USH2A: variants seen among roughly 807,000 people sequenced by gnomAD.
USH2A encodes the protein usherin, also known as Usher syndrome 2A (autosomal recessive, mild).
In USH2A, 443 loss-of-function variants were observed where a neutral mutation model predicts 538.9. The ratio of observed to expected loss-of-function variants is 0.82; its 90% CI spans 0.76 to 0.89. The LOEUF (loss-of-function observed/expected upper bound fraction) is 0.89. Ranked by LOEUF, USH2A falls within the 40% of genes least tolerant of loss-of-function variation. USH2A has a pLI of 0.00. For missense variants in USH2A, 6,633 were observed against 6,324.8 expected (o/e 1.05, Z -1.65); for synonymous variants, 2,413 against 2,273.5 (o/e 1.06, Z -1.75).
At chr1:215,796,361 C>T (rs1035382013) in intron 50 of USH2A, among the ~76,000 whole-genome samples, 3 of 152,008 alleles carry the variant, frequency 2.0e-5, no homozygotes, top group Non-Finnish European at 2.9e-5. Context: ...GTCTCTGTCA[C>T]ATTTTGATGA....
At chr1:215,698,946 T>A (rs1202334655) in intron 61 of USH2A, among the ~76,000 whole-genome samples, 1 of 152,246 alleles carries the variant, frequency 6.6e-6, no homozygotes, top group Non-Finnish European at 1.5e-5. Context: ...CTAGGGTTTT[T>A]ATGGTTTTAG....
chr1:215,945,885 G>A (rs1301146302), intron 37 of USH2A, among the ~76,000 whole-genome samples: 1 of 151,980 alleles, frequency 6.6e-6, no homozygotes, highest in Non-Finnish European at 1.5e-5. Context: ...ATAAAAATGT[G>A]GAATAAAACT....
intron 19 of USH2A, among the ~76,000 whole-genome samples, chr1:216,191,574 C>T (rs906431848): frequency 2.3e-4 from 35 of 151,816 alleles, no homozygotes; most frequent in African/African-American, 6.5e-4. Flanking sequence ...ACATCAAATA[C>T]CAAGTAATTC....
chr1:216,412,682 A>G (rs1214694769), intron 3 of USH2A, among the ~76,000 whole-genome samples: 1 of 151,384 alleles, frequency 6.6e-6, no homozygotes, highest in Non-Finnish European at 1.5e-5. Context: ...TTATAAATAT[A>G]TGTTTTCAGT....
chr1:215,664,915 C>T (rs1020664602), intron 64 of USH2A, among the ~76,000 whole-genome samples: 1 of 152,202 alleles, frequency 6.6e-6, no homozygotes, highest in African/African-American at 2.4e-5. Flanking sequence ...TATTTAAAGC[C>T]ACCCAGTCTA....
intron 11 of USH2A, among the ~76,000 whole-genome samples, chr1:216,251,473 T>A (rs1194595738): frequency 3.7e-5 from 4 of 107,906 alleles, no homozygotes; most frequent in African/African-American, 1.3e-4. Context: ...TTTTTTGAGA[T>A]GGAGTCTCGC....
chr1:216,102,569 G>A (rs1028360597), intron 21 of USH2A, among the ~76,000 whole-genome samples: 1 of 152,096 alleles, frequency 6.6e-6, no homozygotes, highest in Non-Finnish European at 1.5e-5. Flanking sequence ...GGAGGCCGAG[G>A]CAGGCGGATC....
intron 61 of USH2A, among the ~76,000 whole-genome samples, chr1:215,690,481 G>A (rs1457720688): frequency 6.6e-6 from 1 of 152,150 alleles, no homozygotes; most frequent in African/African-American, 2.4e-5. Context: ...CAGCTATTTG[G>A]AAGGCTAAGG....
Position 215,766,796 on chromosome 1 carries a change from A to T in USH2A, c.10940-8T>A, listed in dbSNP as rs1194214740. 1 of 1,611,120 alleles carries T rather than the reference A, an allele frequency of 6.2e-7. No homozygotes were observed. On this transcript the variant is annotated splice_polypyrimidine_tract_variant and splice_region_variant and intron_variant, in intron 55 of 71. Coordinates refer to ENST00000307340, the MANE Select transcript of USH2A (RefSeq NM_206933.4). ...TGGTGTATGGCTGGAGACCTAGAAA[A>T]AGCAAGCAAGAAATAAAGTGCACCT...
At chr1:216,400,959 CAA>C (rs2039293629) in intron 3 of USH2A, among the ~76,000 whole-genome samples, 1 of 151,776 alleles carries the variant, frequency 6.6e-6, no homozygotes, top group South Asian at 2.1e-4. Context: ...TAAATAGAAA[CAA>C]AATGATAATA....
intron 9 of USH2A, among the ~76,000 whole-genome samples, chr1:216,305,406 T>C (rs776931541): frequency 6.6e-6 from 1 of 152,168 alleles, no homozygotes; most frequent in Non-Finnish European, 1.5e-5. Flanking sequence ...TGAGTCCTTA[T>C]GTGTTAGATG....
chr1:216,316,363 A>G (rs1240625545), intron 9 of USH2A, among the ~76,000 whole-genome samples: 3 of 152,182 alleles, frequency 2.0e-5, no homozygotes, highest in Non-Finnish European at 4.4e-5. Flanking sequence ...GTCTTTCTCT[A>G]CTCAGAATAA....
intron 38 of USH2A, among the ~76,000 whole-genome samples, chr1:215,924,980 T>G (rs1223650656): frequency 6.6e-6 from 1 of 151,974 alleles, no homozygotes; most frequent in Non-Finnish European, 1.5e-5. Flanking sequence ...AGCTCAGAAG[T>G]TAGTCTTTTT....
intron 61 of USH2A, among the ~76,000 whole-genome samples, chr1:215,687,995 G>C (rs1488606621): frequency 1.3e-5 from 2 of 152,098 alleles, no homozygotes; most frequent in Admixed American, 1.3e-4. Context: ...GACATAGAGA[G>C]AGAATTGGAA....
Position 215,639,245 on chromosome 1 carries a change from A to G in USH2A, c.14969-7T>C. 1 of 1,614,134 alleles carries G rather than the reference A, an allele frequency of 6.2e-7. No individual in the cohort carries two copies. Among genetic ancestry groups the G allele is most frequent in the Non-Finnish European group, 8.5e-7 (1 of 1,179,986 alleles). Reference sequence around the variant, plus strand: ...ATGACCTGGAAAAAGAAGGCTAGACAAAAGGAAGAACTGGTAAATGACTTG... The same window carrying G: ...ATGACCTGGAAAAAGAAGGCTAGACGAAAGGAAGAACTGGTAAATGACTTG... On this transcript the variant is annotated splice_polypyrimidine_tract_variant and splice_region_variant and intron_variant, in intron 68 of 71. Transcript: ENST00000307340.
At chr1:215,680,454 A>T in intron 61 of USH2A, 78 bp from the exon 62 acceptor site, 1 of 1,435,590 alleles carries the variant, frequency 7.0e-7, no homozygotes, top group Admixed American at 1.7e-5. Flanking sequence ...CATTCTCTGA[A>T]CCTCATGGCC....
chr1:215,882,523 AAG>A (rs1168054177), intron 41 of USH2A, among the ~76,000 whole-genome samples: 1 of 151,224 alleles, frequency 6.6e-6, no homozygotes, highest in Non-Finnish European at 1.5e-5. Flanking sequence ...CAGACAGAGA[AAG>A]AGTACAAATA....
chr1:216,060,070 C>T (rs2031121228), intron 30 of USH2A, among the ~76,000 whole-genome samples: 1 of 152,178 alleles, frequency 6.6e-6, no homozygotes, highest in South Asian at 2.1e-4. Flanking sequence ...CAGTCAGAAC[C>T]AGAAGCAGGA....
intron 56 of USH2A, among the ~76,000 whole-genome samples, chr1:215,760,651 T>C (rs1660954561): frequency 6.6e-6 from 1 of 152,190 alleles, no homozygotes; most frequent in Admixed American, 6.5e-5. Flanking sequence ...TACCTCCCAA[T>C]CTTGTCCATC....
Sources: gnomAD v4.1 joint callset for allele counts (sites outside exome capture counted in the v4.1 genomes callset) on GRCh38, gnomAD v4.1.1 for gene constraint, MANE v1.5 for transcripts, NCBI Gene and HGNC (gene_info 2026-07-23, HGNC 2026-07-21) for gene names.